ERMARD: variants seen among roughly 807,000 people sequenced by gnomAD.
ERMARD encodes the protein endoplasmic reticulum membrane-associated RNA degradation protein.
In ERMARD, 71 loss-of-function variants were observed where a neutral mutation model predicts 83.9. The observed-to-expected ratio is 0.85, with a 90% confidence interval of 0.70 to 1.03. The LOEUF (loss-of-function observed/expected upper bound fraction) is 1.03. Among genes scored for constraint, ERMARD ranks in the 50% least tolerant of loss-of-function variants. The pLI, the probability that ERMARD is intolerant of heterozygous loss-of-function variation, is 0.00. For synonymous variants in ERMARD, 284 were observed against 298.6 expected (o/e 0.95, Z 0.50); for missense variants, 838 against 810.9 (o/e 1.03, Z -0.41).
chr6:169,776,610 G>A lies in ERMARD; in HGVS notation c.1676G>A (p.Arg559Lys), dbSNP rs913917125. 5.0e-6 allele frequency: 8 copies of A among 1,614,138 alleles called. No homozygotes were observed. Among genetic ancestry groups the A allele is most frequent in the Admixed American group, 1.7e-5 (1 of 60,010 alleles). The change falls in exon 16 of 18, where the codon AGG becomes AAG. Residue 559 changes from arginine (R) to lysine (K), a missense_variant. Transcript: ENST00000366773. ...ACCGTTGCCTCAGAGCTGAGACACA[G>A]GCAGTGGGTGGAAAGGACGCTGCGG... is the stretch of plus-strand genomic sequence containing the variant. ...QVTVASELRH[R>K]QWVERTLRSR...
intron 13 of ERMARD, among the ~76,000 whole-genome samples, chr6:169,774,466 G>C (rs1282367900): frequency 6.6e-6 from 1 of 152,160 alleles, no homozygotes; most frequent in Non-Finnish European, 1.5e-5. Flanking sequence ...GGAAGGAAGA[G>C]GAGCTTCAAG....
At chr6:169,765,342 A>G (rs1286931596) in intron 9 of ERMARD, among the ~76,000 whole-genome samples, 1 of 152,264 alleles carries the variant, frequency 6.6e-6, no homozygotes, top group East Asian at 1.9e-4. Flanking sequence ...GATATTTTAT[A>G]AAACTTAATA....
At chr6:169,763,750 G>T (rs1055212972) in intron 9 of ERMARD, among the ~76,000 whole-genome samples, 2 of 152,180 alleles carry the variant, frequency 1.3e-5, no homozygotes, top group Admixed American at 6.5e-5. Flanking sequence ...ATCTCTGGGG[G>T]AACAACAATT....
chr6:169,775,817 A>G (rs1562348654), intron 14 of ERMARD, 123 bp from the exon 15 acceptor site: 3 of 1,259,062 alleles, frequency 2.4e-6, no homozygotes, highest in Non-Finnish European at 3.2e-6. Context: ...TCCATTTTAT[A>G]TTTGAGGAAA....
intron 11 of ERMARD, among the ~76,000 whole-genome samples, chr6:169,768,862 T>G (rs1363845671): frequency 6.6e-6 from 1 of 152,244 alleles, no homozygotes; most frequent in Non-Finnish European, 1.5e-5. Context: ...TTTTTTTATA[T>G]TTTATGAAGA....
chr6:169,766,605 A>C, intron 9 of ERMARD, 33 bp from the exon 10 acceptor site: 2 of 1,548,424 alleles, frequency 1.3e-6, no homozygotes, highest in Non-Finnish European at 1.7e-6. Flanking sequence ...TTTTGCTTTA[A>C]TTGTTTATTT....
intron 12 of ERMARD, among the ~76,000 whole-genome samples, chr6:169,772,827 C>G (rs1750928337): frequency 6.6e-6 from 1 of 150,396 alleles, no homozygotes; most frequent in Non-Finnish European, 1.5e-5. Flanking sequence ...AATTTGTCAG[C>G]TATCAATTCA....
intron 17 of ERMARD, among the ~76,000 whole-genome samples, chr6:169,780,653 C>T (rs1254522928): frequency 6.6e-6 from 1 of 152,198 alleles, no homozygotes; most frequent in African/African-American, 2.4e-5. Context: ...GCACGCTGCC[C>T]ACCAGGCTCC....
intron 16 of ERMARD, 31 bp downstream of exon 16, chr6:169,776,704 C>T (rs1191111562): frequency 5.6e-6 from 9 of 1,608,618 alleles, no homozygotes; most frequent in African/African-American, 1.3e-5. Context: ...TTTGGAGGGG[C>T]ACTGTGGGGC....
intron 5 of ERMARD, 147 bp downstream of exon 5, chr6:169,756,955 A>G (rs1302705247): frequency 5.6e-6 from 4 of 713,540 alleles, no homozygotes; most frequent in Non-Finnish European, 9.2e-6. Context: ...TGGCAGGAGG[A>G]GAAAGACATT....
At chr6:169,752,501 A>G (rs552898930) in intron 1 of ERMARD, among the ~76,000 whole-genome samples, 31 of 152,282 alleles carry the variant, frequency 2.0e-4, no homozygotes, top group African/African-American at 7.0e-4. Flanking sequence ...CCAATCAACA[A>G]ATAGTTGATG....
chr6:169,778,473 G>C (rs918713684), intron 16 of ERMARD, among the ~76,000 whole-genome samples: 2 of 152,172 alleles, frequency 1.3e-5, no homozygotes, highest in East Asian at 3.9e-4. Context: ...ACAGCATTAT[G>C]GTTTCTTCAC....
At chr6:169,768,260 G>T in intron 11 of ERMARD, 89 bp downstream of exon 11, 1 of 1,221,684 alleles carries the variant, frequency 8.2e-7, no homozygotes, top group Non-Finnish European at 1.2e-6. Context: ...TTGGCTTGTG[G>T]TTTGCTCAAG....
chr6:169,774,958 G>A (rs1317463268), intron 13 of ERMARD, among the ~76,000 whole-genome samples: 1 of 152,174 alleles, frequency 6.6e-6, no homozygotes, highest in Admixed American at 6.5e-5. Flanking sequence ...GTGTTCTGTT[G>A]GTTCCAGGCC....
At chr6:169,766,196 A>G (rs1792183553) in intron 9 of ERMARD, among the ~76,000 whole-genome samples, 1 of 152,234 alleles carries the variant, frequency 6.6e-6, no homozygotes, top group Admixed American at 6.5e-5. Flanking sequence ...AGGACAGCAC[A>G]TGTCTGTAGG....
In ERMARD at chr6:169,753,904, C is replaced by A. The variant is rs1389137896; in HGVS notation, c.47C>A (p.Ser16Ter). ...GDPITTCLSP[S>*]VYDIICNLGF... is the part of the protein sequence containing the mutation. Reference sequence around the variant, plus strand: ...CCTATTACCACATGTCTTTCTCCCTCAGTGTATGATATAATTTGTAATCTT... The same window carrying A: ...CCTATTACCACATGTCTTTCTCCCTAAGTGTATGATATAATTTGTAATCTT... Residue 16 changes from serine (S) to a stop codon, truncating the protein, a stop_gained, in exon 2 of 18, where the codon TCA (serine) becomes TAA (stop). Coordinates refer to ENST00000366773, the MANE Select transcript of ERMARD (RefSeq NM_018341.3). LOFTEE classifies it high-confidence loss of function. 1 of 1,609,584 alleles carries A rather than the reference C, an allele frequency of 6.2e-7. No individual in the cohort carries two copies. The highest frequency in any genetic ancestry group is 1.3e-5 in the African/African-American group (1 of 74,766).
chr6:169,751,521 C>A (rs374673495), upstream of ERMARD: 18 of 1,610,824 alleles, frequency 1.1e-5, no homozygotes, highest in Non-Finnish European at 1.5e-5. Flanking sequence ...AACGCCCTAG[C>A]CAGTCCCGCG....
intron 13 of ERMARD, among the ~76,000 whole-genome samples, chr6:169,774,691 C>T (rs545261742): frequency 3.3e-5 from 5 of 152,334 alleles, no homozygotes; most frequent in South Asian, 4.1e-4. Context: ...CTTGCTCATA[C>T]GCTAGTGGGT....
At chr6:169,751,313 G>T, upstream of ERMARD, 1 of 1,605,194 alleles carries the variant, frequency 6.2e-7, no homozygotes, top group Non-Finnish European at 8.5e-7. Flanking sequence ...TAGCCGTCTC[G>T]GGCCCCTAGC....
Sources: gnomAD v4.1 joint callset for allele counts (sites outside exome capture counted in the v4.1 genomes callset) on GRCh38, gnomAD v4.1.1 for gene constraint, MANE v1.5 for transcripts, NCBI Gene and HGNC (gene_info 2026-07-23, HGNC 2026-07-21) for gene names.